The following GRAMD4 variants were observed in gnomAD, a reference collection of about 807,000 sequenced individuals.
GRAMD4 encodes GRAM domain containing 4.
In GRAMD4, 25 loss-of-function variants were observed where a neutral mutation model predicts 83.9. The observed-to-expected ratio is 0.30, with a 90% confidence interval of 0.22 to 0.42. The LOEUF (loss-of-function observed/expected upper bound fraction) is 0.42. Among genes scored for constraint, GRAMD4 ranks in the 10% least tolerant of loss-of-function variants. The probability of loss-of-function intolerance (pLI) is 1.00; values close to 1 mark genes in which losing one functional copy is unlikely to be tolerated. For synonymous variants in GRAMD4, 336 were observed against 320.9 expected (o/e 1.05, Z -0.50); for missense variants, 593 against 788.7 (o/e 0.75, Z 2.97).
intron 1 of GRAMD4, among the ~76,000 whole-genome samples, chr22:46,610,217 G>A (rs1389917309): frequency 6.6e-6 from 1 of 152,220 alleles, no homozygotes; most frequent in Middle Eastern, 3.2e-3. Flanking sequence ...TGTGATGCGC[G>A]GGCCACTTAA....
chr22:46,621,061 T>A lies in GRAMD4; in HGVS notation c.-50+496T>A, dbSNP rs905368462. ...TGGGCTGCAGGCTGAGGAGCTGGGC[T>A]TCCTCCAGGGACCGTGGAGGGGGTG... On this transcript the variant is annotated intron_variant, in intron 1 of 18. Coordinates refer to ENST00000406902, the MANE Select transcript of GRAMD4 (RefSeq NM_015124.5). This position sits in a 1 kb window ranked among gnomAD's most constrained non-coding sequence, Gnocchi z 5.8. 6.6e-6 allele frequency among the ~76,000 whole-genome samples: 1 copy of A among 151,672 alleles called. No homozygotes were observed. Among genetic ancestry groups the A allele is most frequent in the African/African-American group, 2.4e-5 (1 of 41,258 alleles).
chr22:46,663,189 C>G lies in GRAMD4; in HGVS notation c.599+17C>G. ...CGCCCGCAGGTAGGGGTTCGCCGAG[C>G]TGGGGCTGCCTGTGCGTTAGGGGCC... On this transcript the variant is annotated intron_variant, in intron 6 of 18. Transcript: ENST00000406902. The G allele has an allele frequency of 6.2e-7, 1 of 1,604,020 alleles. No individual in the cohort carries two copies. The highest frequency in any genetic ancestry group is 8.5e-7 in the Non-Finnish European group (1 of 1,173,934).
At chr22:46,618,800 C>T (rs938643674), upstream of GRAMD4, among the ~76,000 whole-genome samples, 6 of 137,058 alleles carry the variant, frequency 4.4e-5, no homozygotes, top group African/African-American at 6.3e-5. This position sits in a 1 kb window ranked among gnomAD's most constrained non-coding sequence, Gnocchi z 5.8. Context: ...GGCCGGCGTG[C>T]GCTGCAGGTT....
At chr22:46,627,514 G>A (rs986279421) in intron 2 of GRAMD4, among the ~76,000 whole-genome samples, 1 of 152,230 alleles carries the variant, frequency 6.6e-6, no homozygotes, top group African/African-American at 2.4e-5. Context: ...CCAGGCGGGA[G>A]CCAGGCAGGA....
intron 1 of GRAMD4, among the ~76,000 whole-genome samples, chr22:46,602,717 G>A (rs1397577136): frequency 6.8e-6 from 1 of 146,254 alleles, no homozygotes; most frequent in Non-Finnish European, 1.5e-5. Context: ...CTTTACATTT[G>A]TTTAAGGGCT....
At chr22:46,674,816 G>A in intron 16 of GRAMD4, 66 bp downstream of exon 16, 7 of 1,146,048 alleles carry the variant, frequency 6.1e-6, no homozygotes, top group South Asian at 1.2e-5. Flanking sequence ...CCTAGGCCCT[G>A]GGATGGCGTG....
rs1402072458 is a variant in GRAMD4, at chr22:46,659,605, C to G, written c.404+1298C>G. 6.6e-6 allele frequency among the ~76,000 whole-genome samples: 1 copy of G among 152,238 alleles called. No individual in the cohort carries two copies. The highest frequency in any genetic ancestry group is 1.5e-5 in the Non-Finnish European group (1 of 68,040). On this transcript the variant is annotated intron_variant, in intron 4 of 18. Coordinates refer to ENST00000406902, the MANE Select transcript of GRAMD4 (RefSeq NM_015124.5). The surrounding 1 kb of genome is among the most constrained non-coding windows in gnomAD (Gnocchi z 4.1). ...CCTGAGGAAGCGGCTCCCTTCAGCA[C>G]CCTCAGGTTTAGTGTGTGGGAAGAC... is the stretch of plus-strand genomic sequence containing the variant.
At chr22:46,605,639 C>T (rs1192887670) in intron 1 of GRAMD4, among the ~76,000 whole-genome samples, 2 of 152,264 alleles carry the variant, frequency 1.3e-5, no homozygotes, top group Non-Finnish European at 2.9e-5. Context: ...TGATCATGGC[C>T]GTCCTAATGG....
At chr22:46,615,445 G>A (rs547018069), upstream of GRAMD4, among the ~76,000 whole-genome samples, 9 of 138,984 alleles carry the variant, frequency 6.5e-5, no homozygotes, top group African/African-American at 1.9e-4. Flanking sequence ...TCCGCTGTGC[G>A]TGTCGGTTTC....
intron 3 of GRAMD4, among the ~76,000 whole-genome samples, chr22:46,655,559 G>A (rs1191747348): frequency 1.3e-5 from 2 of 152,152 alleles, no homozygotes; most frequent in Non-Finnish European, 2.9e-5. Context: ...GCCCAAATGT[G>A]GCTGGCACTG....
At chr22:46,580,325 C>T (rs1252121077) in intron 1 of GRAMD4, among the ~76,000 whole-genome samples, 1 of 152,226 alleles carries the variant, frequency 6.6e-6, no homozygotes, top group Non-Finnish European at 1.5e-5. Flanking sequence ...GTTTGGGCAT[C>T]CCACAGGCTG....
At chr22:46,611,967 A>G (rs2081421381) in intron 1 of GRAMD4, among the ~76,000 whole-genome samples, 1 of 124,304 alleles carries the variant, frequency 8.0e-6, no homozygotes, top group Non-Finnish European at 1.6e-5. Context: ...ACTGCATTCC[A>G]GCCTGGGAGA....
chr22:46,590,222 G>T (rs13057198), intron 1 of GRAMD4, among the ~76,000 whole-genome samples: 2 of 152,014 alleles, frequency 1.3e-5, no homozygotes, highest in African/African-American at 4.8e-5. Context: ...CCAGAGGGGC[G>T]GAGCTGGGAG....
chr22:46,624,542 G>A (rs1415671402), intron 1 of GRAMD4, among the ~76,000 whole-genome samples: 2 of 151,808 alleles, frequency 1.3e-5, no homozygotes, highest in African/African-American at 4.8e-5. Context: ...TTGGCCAGAT[G>A]GTCTCGAACT....
rs2147333478 is a variant in GRAMD4 at position 46,659,418 on chromosome 22, G to A, written c.404+1111G>A. ...CCACCTCAGCCTCCCACCACCATTG[G>A]CCACACCTTTGTCTGTGGCCCCCAT... On this transcript the variant is annotated intron_variant, in intron 4 of 18. Transcript: ENST00000406902. The surrounding 1 kb of genome is among the most constrained non-coding windows in gnomAD (Gnocchi z 4.1). Among the ~76,000 whole-genome samples, 1 of 152,224 alleles carries A rather than the reference G, an allele frequency of 6.6e-6. No homozygotes were observed. Among genetic ancestry groups the A allele is most frequent in the East Asian group, 1.9e-4 (1 of 5,174 alleles).
upstream of GRAMD4, among the ~76,000 whole-genome samples, chr22:46,617,888 A>G (rs1420233770): frequency 6.6e-6 from 1 of 152,224 alleles, no homozygotes; most frequent in African/African-American, 2.4e-5. Flanking sequence ...GAAGGAATTC[A>G]GGTTTCTTCC....
At chr22:46,601,802 A>C (rs1602319359) in intron 1 of GRAMD4, among the ~76,000 whole-genome samples, 1 of 152,162 alleles carries the variant, frequency 6.6e-6, no homozygotes, top group South Asian at 2.1e-4. Context: ...TCTCTAAAAA[A>C]CTTTTTTTTT....
Position 46,622,639 on chromosome 22 carries a change from C to T in GRAMD4, c.-50+2074C>T, listed in dbSNP as rs1220806267. Among the ~76,000 whole-genome samples, 1 of 152,158 alleles carries T rather than the reference C, an allele frequency of 6.6e-6. No individual in the cohort carries two copies. Among genetic ancestry groups the T allele is most frequent in the Non-Finnish European group, 1.5e-5 (1 of 68,040 alleles). ...TAAAAACTGGTGAAGTTGGGCTGAG[C>T]ACGGCGGCTCACGCCTGTAATCCCA... On this transcript the variant is annotated intron_variant, in intron 1 of 18. Transcript: ENST00000406902. The surrounding 1 kb of genome is among the most constrained non-coding windows in gnomAD (Gnocchi z 4.0).
intron 1 of GRAMD4, among the ~76,000 whole-genome samples, chr22:46,612,519 C>T (rs925974435): frequency 2.0e-5 from 3 of 152,224 alleles, no homozygotes; most frequent in African/African-American, 7.2e-5. Flanking sequence ...CTGTAGCAGG[C>T]GCTGCCAGCC....
Sources: gnomAD v4.1 joint callset for allele counts (sites outside exome capture counted in the v4.1 genomes callset) on GRCh38, gnomAD v4.1.1 for gene constraint, Gnocchi (gnomAD v3.1) non-coding constraint, MANE v1.5 for transcripts, NCBI Gene and HGNC (gene_info 2026-07-23, HGNC 2026-07-21) for gene names.